GABRB2: variants seen among roughly 807,000 people sequenced by gnomAD.
GABRB2 encodes gamma-aminobutyric acid receptor subunit beta-2.
Under a neutral mutation model 54.7 loss-of-function variants are expected in GABRB2, and 16 were observed. The ratio of observed to expected loss-of-function variants is 0.29; its 90% CI spans 0.20 to 0.44. The LOEUF is 0.44. Ranked by LOEUF, GABRB2 falls within the 20% of genes least tolerant of loss-of-function variation. GABRB2 has a pLI of 1.00. For missense variants in GABRB2, 355 were observed against 644.0 expected, an observed-to-expected ratio of 0.55 and a Z score of 4.86; for synonymous variants, 244 against 233.8, an observed-to-expected ratio of 1.04 and a Z score of -0.40.
chr5:161,383,774 A>T (rs1755541261), intron 5 of GABRB2, among the ~76,000 whole-genome samples: 1 of 152,246 alleles, frequency 6.6e-6, no homozygotes, highest in Non-Finnish European at 1.5e-5. Context: ...ATATCATGTC[A>T]TCTAAACTTA....
At chr5:161,472,312 T>C (rs1758464137) in intron 3 of GABRB2, among the ~76,000 whole-genome samples, 1 of 151,760 alleles carries the variant, frequency 6.6e-6, no homozygotes. Context: ...CTTAGTACTA[T>C]ACTAAGCTGC....
chr5:161,356,461 T>A (rs1431786674), intron 5 of GABRB2, among the ~76,000 whole-genome samples: 1 of 152,162 alleles, frequency 6.6e-6, no homozygotes. Context: ...AACCAAGGAC[T>A]ATGTCCTCAT....
At chr5:161,474,081 A>C (rs565129618) in intron 3 of GABRB2, among the ~76,000 whole-genome samples, 150 of 152,106 alleles carry the variant, frequency 9.9e-4, no homozygotes, top group Non-Finnish European at 1.9e-3. Flanking sequence ...CAAGCCCAGG[A>C]AACAGCCAGT....
intron 9 of GABRB2, among the ~76,000 whole-genome samples, chr5:161,310,198 A>G (rs1311189457): frequency 1.3e-5 from 2 of 152,164 alleles, no homozygotes; most frequent in Non-Finnish European, 2.9e-5. Flanking sequence ...GGATCAGGAA[A>G]AAACTAATGG....
Position 161,459,629 on chromosome 5 carries a change from T to C in GABRB2, c.453A>G (p.Gly151=). ...RLHPDGTVLY[G]LRITTTAACM... is the part of the protein sequence containing the mutation. The stretch of plus-strand genomic sequence containing the variant: ...TTGAATTGGGGACAACAGACCTGAG[T>C]CCATAAAGGACGGTGCCATCAGGAT... The change falls in exon 4 of 10, where the codon GGA becomes GGG. Residue 151 remains glycine (G), a synonymous_variant. Coordinates refer to ENST00000393959, the MANE Select transcript of GABRB2 (RefSeq NM_001371727.1). 6.2e-7 allele frequency: 1 copy of C among 1,613,552 alleles called. No individual in the cohort carries two copies. Among genetic ancestry groups the C allele is most frequent in the Non-Finnish European group, 8.5e-7 (1 of 1,179,538 alleles).
chr5:161,303,299 C>T lies in GABRB2; in HGVS notation c.1192-8871G>A, dbSNP rs536332816. Among the ~76,000 whole-genome samples, 17 of 152,258 alleles carry T rather than the reference C, an allele frequency of 1.1e-4. No individual in the cohort carries two copies. The East Asian group carries it at 3.3e-3, about 29-fold the overall frequency. ...ACTTATGAAGTGGACGCTGTTGGCT[C>T]TAAGATATGATGCTATCTAGTTGTT... On this transcript the variant is annotated intron_variant, in intron 9 of 9. Coordinates refer to ENST00000393959, the MANE Select transcript of GABRB2 (RefSeq NM_001371727.1).
intron 4 of GABRB2, among the ~76,000 whole-genome samples, chr5:161,429,972 A>C (rs1757129472): frequency 6.6e-6 from 1 of 152,224 alleles, no homozygotes; most frequent in Non-Finnish European, 1.5e-5. Context: ...AAAGATAATT[A>C]GGAAGTCTAA....
intron 5 of GABRB2, among the ~76,000 whole-genome samples, chr5:161,358,826 T>C (rs1754718814): frequency 6.6e-6 from 1 of 152,154 alleles, no homozygotes; most frequent in Admixed American, 6.6e-5. Flanking sequence ...GAAGTAGTTG[T>C]TAAGGACAGA....
At chr5:161,383,252 C>T (rs1755522376) in intron 5 of GABRB2, among the ~76,000 whole-genome samples, 1 of 152,248 alleles carries the variant, frequency 6.6e-6, no homozygotes, top group Middle Eastern at 3.4e-3. Flanking sequence ...CTTTGATCAA[C>T]ATGTCTTCAT....
At chr5:161,436,859 C>T (rs367944023) in intron 4 of GABRB2, among the ~76,000 whole-genome samples, 17 of 151,982 alleles carry the variant, frequency 1.1e-4, no homozygotes, top group African/African-American at 1.7e-4. Flanking sequence ...TTTGAGGCAC[C>T]GAATTCAGTG....
chr5:161,456,153 T>C (rs1159109661), intron 4 of GABRB2, among the ~76,000 whole-genome samples: 2 of 152,194 alleles, frequency 1.3e-5, no homozygotes, highest in Non-Finnish European at 2.9e-5. Flanking sequence ...GGTCACTGCC[T>C]TGATATTTAA....
At position 161,319,138 on chromosome 5, in the gene GABRB2, T is replaced by TA. The variant is rs374082239; in HGVS notation, c.1191+7229_1191+7230insT. The stretch of plus-strand genomic sequence containing the variant: ...ATTTTATTAGCTGTTTTTTTTTTTT[T>TA]TAAATAAACAATAGTGGTGATGGCG... On this transcript the variant is annotated intron_variant, in intron 9 of 9. Transcript: ENST00000393959. Among the ~76,000 whole-genome samples, 1,087 of 141,722 alleles carry TA rather than the reference T, an allele frequency of 7.7e-3. 17 individuals carry two copies. The highest frequency in any genetic ancestry group is 0.024 in the African/African-American group (892 of 36,992). 93.0% of individuals were successfully genotyped at this position (141,722 alleles called of 152,430 possible). A position where few individuals can be genotyped will look rare whatever the true frequency, so the allele number is the denominator to read the frequency against.
At chr5:161,507,517 T>C (rs1277076680) in intron 3 of GABRB2, among the ~76,000 whole-genome samples, 1 of 152,030 alleles carries the variant, frequency 6.6e-6, no homozygotes, top group East Asian at 1.9e-4. Context: ...TGAAAGTGAG[T>C]AGGCATGTCA....
At chr5:161,518,571 GT>G (rs1760021759) in intron 3 of GABRB2, among the ~76,000 whole-genome samples, 1 of 152,166 alleles carries the variant, frequency 6.6e-6, no homozygotes, top group Non-Finnish European at 1.5e-5. Context: ...CATAAAACAA[GT>G]TTTTTATAGG....
At chr5:161,374,869 T>A (rs1755242810) in intron 5 of GABRB2, among the ~76,000 whole-genome samples, 1 of 152,152 alleles carries the variant, frequency 6.6e-6, no homozygotes, top group South Asian at 2.1e-4. Flanking sequence ...AGCCCAATAA[T>A]TTTTTTAATT....
chr5:161,337,627 G>A (rs1032992052), intron 5 of GABRB2, among the ~76,000 whole-genome samples: 1 of 152,050 alleles, frequency 6.6e-6, no homozygotes, highest in Non-Finnish European at 1.5e-5. Flanking sequence ...TACACAGGGT[G>A]GAGTACAATC....
chr5:161,510,254 C>G (rs78235848), intron 3 of GABRB2, among the ~76,000 whole-genome samples: 3,039 of 151,852 alleles, frequency 0.02, 41 homozygotes, highest in Middle Eastern at 0.054. Flanking sequence ...AGCTCCCCCC[C>G]AACCTCCCCA....
intron 5 of GABRB2, among the ~76,000 whole-genome samples, chr5:161,365,009 A>G (rs2113458255): frequency 6.6e-6 from 1 of 152,308 alleles, no homozygotes; most frequent in East Asian, 1.9e-4. Context: ...TCACAAATGT[A>G]TGCTTTTTCA....
chr5:161,456,994 A>G (rs1224811260), intron 4 of GABRB2, among the ~76,000 whole-genome samples: 7 of 152,196 alleles, frequency 4.6e-5, no homozygotes, highest in African/African-American at 1.7e-4. Context: ...AATTCCTTTT[A>G]CCTATCTATT....
Sources: gnomAD v4.1 joint callset for allele counts (sites outside exome capture counted in the v4.1 genomes callset) on GRCh38, gnomAD v4.1.1 for gene constraint, MANE v1.5 for transcripts, NCBI Gene and HGNC (gene_info 2026-07-23, HGNC 2026-07-21) for gene names.